Variants in TENM3 observed in about 807,000 individuals in gnomAD.
TENM3 encodes the protein teneurin transmembrane protein 3.
Under a neutral mutation model 255.1 loss-of-function variants are expected in TENM3, and 63 were observed. The observed-to-expected ratio is 0.25, with a 90% CI of 0.20 to 0.30. The LOEUF (loss-of-function observed/expected upper bound fraction) is 0.30, where lower values mean the gene tolerates loss of function less well. Among genes scored for constraint, TENM3 ranks in the 10% least tolerant of loss-of-function variants. The pLI, the probability that TENM3 is intolerant of heterozygous loss-of-function variation, is 1.00. For synonymous variants in TENM3, 1,306 were observed against 1,322.3 expected (o/e 0.99, Z 0.27); for missense variants, 2,929 against 3,461.1 (o/e 0.85, Z 3.86).
At chr4:181,706,447 A>G in the TENM3 span, among the ~76,000 whole-genome samples, 1 of 152,196 alleles carries the variant, frequency 6.6e-6, no homozygotes, top group African/African-American at 2.4e-5. Flanking sequence ...CTGTTGTGGC[A>G]CAGCACAGTC....
the TENM3 span, among the ~76,000 whole-genome samples, chr4:181,822,523 A>G: frequency 6.6e-6 from 1 of 152,224 alleles, no homozygotes; most frequent in Admixed American, 6.5e-5. Context: ...CTAGCCCTTT[A>G]CAAAAACTAA....
chr4:181,944,424 C>T, the TENM3 span, among the ~76,000 whole-genome samples: 2 of 150,798 alleles, frequency 1.3e-5, no homozygotes, highest in Non-Finnish European at 3.0e-5. Context: ...TGAGCACCCA[C>T]ACTGGCGAAG....
At chr4:181,984,766 G>A in the TENM3 span, among the ~76,000 whole-genome samples, 1 of 147,482 alleles carries the variant, frequency 6.8e-6, no homozygotes, top group East Asian at 2.0e-4. Context: ...GCTTTTTATG[G>A]CTTGCTTTTT....
chr4:181,984,582 G>T, the TENM3 span, among the ~76,000 whole-genome samples: 6 of 151,386 alleles, frequency 4.0e-5, no homozygotes, highest in Admixed American at 1.3e-4. Flanking sequence ...GAAAAAAAAA[G>T]CCTTTTGCAA....
upstream of TENM3, among the ~76,000 whole-genome samples, chr4:182,140,306 T>C (rs1330168722): frequency 1.3e-5 from 2 of 152,174 alleles, no homozygotes; most frequent in Non-Finnish European, 2.9e-5. Context: ...GCCCATCACC[T>C]ATTTGCTGTT....
intron 17 of TENM3, among the ~76,000 whole-genome samples, chr4:182,737,555 C>G (rs1173137825): frequency 6.6e-6 from 1 of 152,070 alleles, no homozygotes; most frequent in East Asian, 1.9e-4. Context: ...CCGGTTCATT[C>G]AATGAAAGGA....
At chr4:182,192,861 A>G (rs17307191) in intron 1 of TENM3, among the ~76,000 whole-genome samples, 20,255 of 152,196 alleles carry the variant, frequency 0.13, 1,669 homozygotes, top group South Asian at 0.22. Flanking sequence ...AAGGCACTGG[A>G]TCTTTCTTCT....
At chr4:181,799,577 A>C in the TENM3 span, among the ~76,000 whole-genome samples, 8 of 152,236 alleles carry the variant, frequency 5.3e-5, no homozygotes, top group Non-Finnish European at 1.2e-4. Context: ...AAAATATACC[A>C]GAAAATAGCA....
chr4:181,849,036 C>A, the TENM3 span, among the ~76,000 whole-genome samples: 1 of 152,098 alleles, frequency 6.6e-6, no homozygotes, highest in African/African-American at 2.4e-5. Flanking sequence ...AGAAAATAAC[C>A]ATTTGACATT....
intron 1 of TENM3, among the ~76,000 whole-genome samples, chr4:182,263,670 C>T (rs1759030468): frequency 6.6e-6 from 1 of 152,114 alleles, no homozygotes; most frequent in African/African-American, 2.4e-5. Flanking sequence ...CTTCCTCTGG[C>T]CTCCCTGAGC....
At chr4:182,593,543 A>T (rs114112916) in intron 3 of TENM3, among the ~76,000 whole-genome samples, 1,522 of 152,160 alleles carry the variant, frequency 0.01, 26 homozygotes, top group African/African-American at 0.034. Flanking sequence ...TCCCTTCCAG[A>T]TTAGGGTATT....
intron 3 of TENM3, among the ~76,000 whole-genome samples, chr4:182,568,698 C>T (rs1318634109): frequency 6.6e-6 from 1 of 152,140 alleles, no homozygotes; most frequent in Non-Finnish European, 1.5e-5. Flanking sequence ...GTTTATAGCA[C>T]CCTTATTCAG....
In TENM3 at chr4:182,743,357, C is replaced by G; in HGVS notation, c.3567C>G (p.Gly1189=). 1.2e-6 allele frequency: 2 copies of G among 1,613,800 alleles called. No homozygotes were observed. Among genetic ancestry groups the G allele is most frequent in the Non-Finnish European group, 1.7e-6 (2 of 1,179,802 alleles). ...GGATCGATGGCAGTCTGTACGTAGG[C>G]GATTTCAACTATGTGCGGCGGATAT... is the stretch of plus-strand genomic sequence containing the variant. ...ACGIDGSLYV[G]DFNYVRRIFP... is the part of the protein sequence containing the mutation. Residue 1189 remains glycine (G), a synonymous_variant, in exon 19 of 28, where the codon GGC becomes GGG. Coordinates refer to ENST00000511685, the MANE Select transcript of TENM3 (RefSeq NM_001080477.4).
chr4:182,059,771 A>T, the TENM3 span, among the ~76,000 whole-genome samples: 2 of 148,336 alleles, frequency 1.3e-5, no homozygotes, highest in East Asian at 3.9e-4. Flanking sequence ...AAGAAAAAAA[A>T]AAAAAAGAAA....
the TENM3 span, among the ~76,000 whole-genome samples, chr4:181,894,560 GT>G: frequency 2.5e-4 from 38 of 152,204 alleles, no homozygotes; most frequent in African/African-American, 9.1e-4. Context: ...ACAGCCATCG[GT>G]TTATCGTATT....
At chr4:182,355,684 G>C (rs1765475769) in intron 3 of TENM3, among the ~76,000 whole-genome samples, 1 of 152,092 alleles carries the variant, frequency 6.6e-6, no homozygotes, top group Admixed American at 6.6e-5. Context: ...AGGAAAGGGA[G>C]ACCCATTTAA....
At chr4:182,657,371 A>G (rs1219889054) in intron 6 of TENM3, among the ~76,000 whole-genome samples, 1 of 152,116 alleles carries the variant, frequency 6.6e-6, no homozygotes, top group Non-Finnish European at 1.5e-5. Flanking sequence ...TAAAAAAAAT[A>G]GAAACTTGCA....
At chr4:182,603,993 T>C (rs554426661) in intron 4 of TENM3, among the ~76,000 whole-genome samples, 24 of 152,148 alleles carry the variant, frequency 1.6e-4, no homozygotes, top group Non-Finnish European at 3.4e-4. Context: ...CAGTGATTTG[T>C]AGACTTACAG....
the TENM3 span, among the ~76,000 whole-genome samples, chr4:181,836,183 G>GCACACACACACACACA: frequency 6.7e-6 from 1 of 148,844 alleles, no homozygotes; most frequent in Non-Finnish European, 1.5e-5. Flanking sequence ...ATACACACAT[G>GCACACACACACACACA]CACACACACA....
Sources: allele counts gnomAD v4.1 joint callset (sites outside exome capture counted in the v4.1 genomes callset), GRCh38; gene constraint gnomAD v4.1.1; transcripts MANE v1.5; gene names NCBI Gene and HGNC (gene_info 2026-07-23, HGNC 2026-07-21).